The following AQP11 variants were observed in gnomAD, a reference collection of about 807,000 sequenced individuals.
AQP11 encodes the protein aquaporin-11.
Under a neutral mutation model 21.1 loss-of-function variants are expected in AQP11, and 20 were observed. The observed-to-expected ratio is 0.95, with a 90% CI of 0.67 to 1.38. AQP11 has a LOEUF of 1.38. Ranked by LOEUF, AQP11 falls within the 40% of genes most tolerant of loss-of-function variation. AQP11 has a pLI of 0.00. For synonymous variants in AQP11, 167 were observed against 150.1 expected, an observed-to-expected ratio of 1.11 and a Z score of -0.82; for missense variants, 339 against 340.4, an observed-to-expected ratio of 1.00 and a Z score of 0.03.
At chr11:77,591,860 GTGAGACTC>G in intron 1 of AQP11, among the ~76,000 whole-genome samples, 1 of 150,066 alleles carries the variant, frequency 6.7e-6, no homozygotes, top group South Asian at 2.1e-4. Context: ...GGCGACAACA[GTGAGACTC>G]TGTCTCAAAA....
chr11:77,604,275 C>G (rs1958831824), intron 2 of AQP11, among the ~76,000 whole-genome samples: 1 of 151,974 alleles, frequency 6.6e-6, no homozygotes, highest in Admixed American at 6.6e-5. Context: ...GCCACCACAC[C>G]CGGCTAATTT....
At position 77,590,424 on chromosome 11, in the gene AQP11, C is replaced by T. The variant is rs74854928; in HGVS notation, c.432C>T (p.Thr144=). The part of the protein sequence containing the change: ...CTSALWSLGL[T]QYHVSERSFA... Reference sequence around the variant, plus strand: ...GCGCCTTGTGGAGCTTGGGTCTGACCCAGTATCACGTCAGCGAGAGGAGCT... The same window carrying T: ...GCGCCTTGTGGAGCTTGGGTCTGACTCAGTATCACGTCAGCGAGAGGAGCT... Residue 144 remains threonine (T), a synonymous_variant, in exon 1 of 3, where the codon ACC becomes ACT. Transcript: ENST00000313578. 6.2e-7 allele frequency: 1 copy of T among 1,613,888 alleles called. No individual in the cohort carries two copies. Among genetic ancestry groups the T allele is most frequent in the South Asian group, 1.1e-5 (1 of 91,076 alleles).
At chr11:77,607,635 T>C (rs1315391686) in intron 2 of AQP11, among the ~76,000 whole-genome samples, 3 of 152,016 alleles carry the variant, frequency 2.0e-5, no homozygotes, top group Admixed American at 1.3e-4. Context: ...TAGTAGTACA[T>C]GCATGTAGTC....
chr11:77,596,537 AATATATATAT>A (rs529433093), intron 1 of AQP11, among the ~76,000 whole-genome samples: 8 of 86,576 alleles, frequency 9.2e-5, no homozygotes, highest in South Asian at 3.7e-4. Context: ...TATATATGTA[AATATATATAT>A]ATATATATAT....
chr11:77,603,632 C>T lies in AQP11; in HGVS notation c.696C>T (p.Phe232=), dbSNP rs780838062. ...SLHFMCFDEA[F]PQFFIVYWLA... ...ATTTCATGTGTTTTGATGAAGCATT[C>T]CCTCAGTTTTTTATAGTATACTGGC... is the stretch of plus-strand genomic sequence containing the variant. Residue 232 remains phenylalanine, a synonymous_variant, in exon 2 of 3, where the codon TTC becomes TTT. Coordinates refer to ENST00000313578, the MANE Select transcript of AQP11 (RefSeq NM_173039.3). 5 of 1,608,240 alleles carry T rather than the reference C, an allele frequency of 3.1e-6. No homozygotes were observed. Among genetic ancestry groups the T allele is most frequent in the Non-Finnish European group, 4.2e-6 (5 of 1,177,812 alleles).
At chr11:77,599,910 C>T (rs1346668690) in intron 1 of AQP11, among the ~76,000 whole-genome samples, 4 of 151,802 alleles carry the variant, frequency 2.6e-5, no homozygotes, top group Non-Finnish European at 5.9e-5. Flanking sequence ...TGTGCATTTA[C>T]TATACATATA....
chr11:77,591,874 CAA>C (rs35792271), intron 1 of AQP11, among the ~76,000 whole-genome samples: 518 of 151,622 alleles, frequency 3.4e-3, no homozygotes, highest in African/African-American at 0.012. Flanking sequence ...GACTCTGTCT[CAA>C]AAAAAAGAAA....
In AQP11 at chr11:77,590,190, G is replaced by A. The variant is rs1958736733; in HGVS notation, c.198G>A (p.Leu66=). The change falls in exon 1 of 3, where the codon CTG becomes CTA. Residue 66 remains leucine (L), a synonymous_variant. Transcript: ENST00000313578. ...GCTGCTGCACCCACGAGCTGCAACT[G>A]CTGAGCGAACAGCACCCCGCGCACC... ...QLCCCTHELQ[L]LSEQHPAHPT... 2 of 1,599,488 alleles carry A rather than the reference G, an allele frequency of 1.3e-6. No homozygotes were observed. Among genetic ancestry groups the A allele is most frequent in the Non-Finnish European group, 8.5e-7 (1 of 1,174,410 alleles).
chr11:77,592,228 C>T (rs1459246684), intron 1 of AQP11, among the ~76,000 whole-genome samples: 1 of 151,658 alleles, frequency 6.6e-6, no homozygotes, highest in Non-Finnish European at 1.5e-5. Context: ...GATAGTGCCA[C>T]TGCACTCCAG....
intron 2 of AQP11, 77 bp from the exon 3 acceptor site, chr11:77,609,221 T>C: frequency 9.0e-7 from 1 of 1,115,966 alleles, no homozygotes; most frequent in Non-Finnish European, 1.3e-6. Context: ...ATAATTGTAA[T>C]TTTAAAATAT....
Position 77,609,627 on chromosome 11 carries a change from A to G in AQP11, c.*250A>G, listed in dbSNP as rs1333744084. 1.6e-5 allele frequency: 5 copies of G among 316,758 alleles called. No individual in the cohort carries two copies. Among genetic ancestry groups the G allele is most frequent in the Non-Finnish European group, 2.3e-5 (4 of 174,418 alleles). The allele number at this position is 316,758 out of a possible 1,614,324, so 19.6% of individuals were successfully genotyped here. A position where few individuals can be genotyped will look rare whatever the true frequency, so the allele number is the denominator to read the frequency against. On this transcript the variant is annotated 3_prime_UTR_variant, in exon 3 of 3. Transcript: ENST00000313578. Reference sequence around the variant, plus strand: ...AATGCTGCTAGAAAAGCCTCATTACATTAAATATAAATCAATCTTAAATGA... The same window carrying G: ...AATGCTGCTAGAAAAGCCTCATTACGTTAAATATAAATCAATCTTAAATGA...
intron 1 of AQP11, among the ~76,000 whole-genome samples, chr11:77,598,754 G>T (rs190084810): frequency 6.6e-6 from 1 of 152,000 alleles, no homozygotes; most frequent in Non-Finnish European, 1.5e-5. Context: ...TTGCTCTGTC[G>T]CCCAGGCTGG....
At chr11:77,608,572 C>G (rs911388388) in intron 2 of AQP11, among the ~76,000 whole-genome samples, 2 of 152,166 alleles carry the variant, frequency 1.3e-5, no homozygotes, top group Non-Finnish European at 2.9e-5. Context: ...AAGATCACAC[C>G]ACTTCACTCC....
chr11:77,601,344 CTTTTTTTTTTT>C (rs36104720), intron 1 of AQP11, among the ~76,000 whole-genome samples: 1 of 129,428 alleles, frequency 7.7e-6, no homozygotes, highest in South Asian at 2.4e-4. Flanking sequence ...CCATTCAAAA[CTTTTTTTTTTT>C]TTTTTTTTTT....
intron 1 of AQP11, among the ~76,000 whole-genome samples, chr11:77,600,862 A>G (rs1958811575): frequency 6.6e-6 from 1 of 152,016 alleles, no homozygotes; most frequent in African/African-American, 2.4e-5. Flanking sequence ...AATACAAAAA[A>G]TTAGCCGGGC....
Position 77,590,295 on chromosome 11 carries a change from C to T in AQP11, c.303C>T (p.Cys101=). 1.2e-6 allele frequency: 2 copies of T among 1,605,294 alleles called. No homozygotes were observed. Among genetic ancestry groups the T allele is most frequent in the Non-Finnish European group, 8.5e-7 (1 of 1,174,468 alleles). The change falls in exon 1 of 3, where the codon TGC becomes TGT. Residue 101 remains cysteine (C), a synonymous_variant. Coordinates refer to ENST00000313578, the MANE Select transcript of AQP11 (RefSeq NM_173039.3). ...LTLVGTSSNP[C]GVMMQMMLGG... ...TGGTGGGCACGTCCAGCAACCCGTG[C>T]GGCGTGATGATGCAGATGATGCTGG...
chr11:77,609,302 ATTG>A lies in AQP11; in HGVS notation c.745_747del (p.Leu249del). The A allele has an allele frequency of 1.2e-6, 2 of 1,611,606 alleles. No homozygotes were observed. The highest frequency in any genetic ancestry group is 2.2e-5 in the East Asian group (1 of 44,786). On this transcript the variant is annotated inframe_deletion, in exon 3 of 3. Coordinates refer to ENST00000313578, the MANE Select transcript of AQP11 (RefSeq NM_173039.3). Reference sequence around the variant, plus strand: ...TTACTGTATTTTGTCTTTCAGGTATATTGTTGATGATTTTGATGTTCAGCTTTT... The same window carrying A: ...TTACTGTATTTTGTCTTTCAGGTATATTGATGATTTTGATGTTCAGCTTTT...
chr11:77,595,976 A>G (rs1478002350), intron 1 of AQP11, among the ~76,000 whole-genome samples: 1 of 152,100 alleles, frequency 6.6e-6, no homozygotes, highest in African/African-American at 2.4e-5. Context: ...AGAAGGGAAC[A>G]TATGTTCTTT....
chr11:77,598,914 T>C (rs561202599), intron 1 of AQP11, among the ~76,000 whole-genome samples: 1 of 151,698 alleles, frequency 6.6e-6, no homozygotes, highest in Non-Finnish European at 1.5e-5. Context: ...GGAGTTTCAC[T>C]CTTGTTGCCC....
Sources: gnomAD v4.1 joint callset for allele counts (sites outside exome capture counted in the v4.1 genomes callset) on GRCh38, gnomAD v4.1.1 for gene constraint, MANE v1.5 for transcripts, NCBI Gene and HGNC (gene_info 2026-07-23, HGNC 2026-07-21) for gene names.